SEPTIN9: variants seen among roughly 807,000 people sequenced by gnomAD.
The protein encoded by SEPTIN9 is septin 9.
Under a neutral mutation model 56.6 loss-of-function variants are expected in SEPTIN9, and 13 were observed. The ratio of observed to expected loss-of-function variants is 0.23; its 90% CI spans 0.15 to 0.37. The LOEUF (loss-of-function observed/expected upper bound fraction) is 0.37, where lower values mean the gene tolerates loss of function less well. Among genes scored for constraint, SEPTIN9 ranks in the 10% least tolerant of loss-of-function variants. The pLI is 1.00. For missense variants in SEPTIN9, 650 were observed against 823.1 expected, an observed-to-expected ratio of 0.79 and a Z score of 2.57; for synonymous variants, 332 against 334.1, an observed-to-expected ratio of 0.99 and a Z score of 0.07.
chr17:77,395,678 C>T (rs924997182), intron 2 of SEPTIN9, among the ~76,000 whole-genome samples: 1 of 152,074 alleles, frequency 6.6e-6, no homozygotes, highest in Non-Finnish European at 1.5e-5. Flanking sequence ...TATTTTCTGC[C>T]CGGGTGTGAG....
rs968064406 is a variant in SEPTIN9 at position 77,435,128 on chromosome 17, C to T, written c.721+32425C>T. On this transcript the variant is annotated intron_variant, in intron 3 of 11. Coordinates refer to ENST00000427177, the MANE Select transcript of SEPTIN9 (RefSeq NM_001113491.2). The surrounding 1 kb of genome is among the most constrained non-coding windows in gnomAD (Gnocchi z 4.5). ...GATTCTGTTGTTATTCCCATTTCAC[C>T]GATGAGGAACCCACAGCCCAGAGAT... 5.3e-5 allele frequency among the ~76,000 whole-genome samples: 8 copies of T among 152,158 alleles called. No individual in the cohort carries two copies. Among genetic ancestry groups the T allele is most frequent in the Admixed American group, 2.6e-4 (4 of 15,286 alleles).
At chr17:77,320,650 C>A (rs568054802) in intron 2 of SEPTIN9, among the ~76,000 whole-genome samples, 2 of 152,316 alleles carry the variant, frequency 1.3e-5, no homozygotes, top group East Asian at 3.9e-4. Flanking sequence ...GGCGCCGAAA[C>A]CTTGGGAGGG....
Position 77,369,806 on chromosome 17 carries a change from G to A in SEPTIN9, c.77-32253G>A, listed in dbSNP as rs1161313382. Among the ~76,000 whole-genome samples, 1 of 152,208 alleles carries A rather than the reference G, an allele frequency of 6.6e-6. No homozygotes were observed. The highest frequency in any genetic ancestry group is 1.5e-5 in the Non-Finnish European group (1 of 68,022). On this transcript the variant is annotated intron_variant, in intron 2 of 11. Transcript: ENST00000427177. The surrounding 1 kb of genome is among the most constrained non-coding windows in gnomAD (Gnocchi z 4.9). ...CCAGCTGAGCCTCTCCATGGAGGCTGTGCCTGGAGGGGGGTCATGGATATG... is the reference window on the plus strand; with the variant it reads ...CCAGCTGAGCCTCTCCATGGAGGCTATGCCTGGAGGGGGGTCATGGATATG...
At chr17:77,392,573 CG>C (rs1292596944) in intron 2 of SEPTIN9, among the ~76,000 whole-genome samples, 2 of 152,030 alleles carry the variant, frequency 1.3e-5, no homozygotes, top group Non-Finnish European at 2.9e-5. Context: ...CGGACTGGGC[CG>C]GCACTGGAGG....
chr17:77,486,669 A>G (rs929750490), intron 4 of SEPTIN9, among the ~76,000 whole-genome samples: 10 of 151,672 alleles, frequency 6.6e-5, no homozygotes, highest in African/African-American at 2.4e-4. Context: ...AGGTGTGTGT[A>G]TGAGGTGTAT....
chr17:77,487,653 C>A lies in SEPTIN9; in HGVS notation c.1042+101C>A. 1.4e-6 allele frequency: 1 copy of A among 738,670 alleles called. No individual in the cohort carries two copies. The highest frequency in any genetic ancestry group is 1.8e-6 in the Non-Finnish European group (1 of 556,692). 45.8% of individuals were successfully genotyped at this position (738,670 alleles called of 1,614,324 possible). A position where few individuals can be genotyped will look rare whatever the true frequency, so the allele number is the denominator to read the frequency against. ...ATCACACACAGTCAGTGGCCAGGGG[C>A]GGGCTGGGGGTGCAGGACTCCTCTG... On this transcript the variant is annotated intron_variant, in intron 5 of 11. Coordinates refer to ENST00000427177, the MANE Select transcript of SEPTIN9 (RefSeq NM_001113491.2). The surrounding 1 kb of genome is among the most constrained non-coding windows in gnomAD (Gnocchi z 4.3).
At chr17:77,294,814 C>T (rs1449813486) in intron 1 of SEPTIN9, 1 of 152,230 alleles carries the variant, frequency 6.6e-6, no homozygotes, top group Admixed American at 6.5e-5. Context: ...TTGCTTCTCT[C>T]CACTGCGCAC....
At chr17:77,333,601 A>G (rs965738585) in intron 2 of SEPTIN9, among the ~76,000 whole-genome samples, 1 of 152,160 alleles carries the variant, frequency 6.6e-6, no homozygotes, top group Non-Finnish European at 1.5e-5. Context: ...TAATTTAACA[A>G]ACTCCTTTCT....
At chr17:77,366,823 T>G (rs1598261295) in intron 2 of SEPTIN9, among the ~76,000 whole-genome samples, 1 of 151,488 alleles carries the variant, frequency 6.6e-6, no homozygotes, top group African/African-American at 2.4e-5. Context: ...GAGGTGGGGG[T>G]GGGGAACCGG....
intron 2 of SEPTIN9, among the ~76,000 whole-genome samples, chr17:77,390,221 C>T (rs2035484357): frequency 6.6e-6 from 1 of 151,534 alleles, no homozygotes; most frequent in Admixed American, 6.6e-5. Flanking sequence ...CAGGCAGGCG[C>T]CCGTAGTCCC....
At chr17:77,497,944 G>A (rs1201892531) in intron 11 of SEPTIN9, among the ~76,000 whole-genome samples, 1 of 151,022 alleles carries the variant, frequency 6.6e-6, no homozygotes, top group Non-Finnish European at 1.5e-5. Flanking sequence ...GCAGGGGTGG[G>A]GGGATTCCGG....
intron 3 of SEPTIN9, among the ~76,000 whole-genome samples, chr17:77,404,378 A>G (rs2035996378): frequency 6.6e-6 from 1 of 152,018 alleles, no homozygotes; most frequent in South Asian, 2.1e-4. Flanking sequence ...CCAAGTACCT[A>G]GGACCACAGG....
intron 3 of SEPTIN9, among the ~76,000 whole-genome samples, chr17:77,458,671 C>T (rs528265963): frequency 5.3e-5 from 8 of 152,306 alleles, no homozygotes; most frequent in South Asian, 2.1e-4. Flanking sequence ...TTACCAGCTG[C>T]GGTGGCTGCC....
intron 1 of SEPTIN9, among the ~76,000 whole-genome samples, chr17:77,293,025 T>C (rs887444323): frequency 2.0e-5 from 3 of 151,552 alleles, no homozygotes; most frequent in Non-Finnish European, 4.4e-5. Flanking sequence ...TTTATTTATT[T>C]ATTTTTCCCA....
intron 1 of SEPTIN9, among the ~76,000 whole-genome samples, chr17:77,282,099 C>A (rs949046862): frequency 1.3e-5 from 2 of 152,218 alleles, no homozygotes; most frequent in Admixed American, 1.3e-4. Flanking sequence ...CGGCTGACAT[C>A]CTCACTCCAC....
intron 2 of SEPTIN9, among the ~76,000 whole-genome samples, chr17:77,351,474 C>T (rs951127530): frequency 9.2e-5 from 14 of 152,300 alleles, no homozygotes; most frequent in African/African-American, 1.9e-4. Flanking sequence ...GCTCCTGTCC[C>T]GGGCTCTGGA....
Position 77,499,419 on chromosome 17 carries a change from G to C in SEPTIN9, c.*761G>C. 1.9e-6 allele frequency: 1 copy of C among 539,700 alleles called. No homozygotes were observed. The allele number at this position is 539,700 out of a possible 1,614,324, so 33.4% of individuals were successfully genotyped here. A position where few individuals can be genotyped will look rare whatever the true frequency, so the allele number is the denominator to read the frequency against. ...CCACCGGGCTGCAGGTGCTGCTGAT[G>C]CGCTGGGATCTGATTGAGGATAAAA... On this transcript the variant is annotated 3_prime_UTR_variant, in exon 12 of 12. Transcript: ENST00000427177.
chr17:77,498,677 C>CCGGGGTG lies in SEPTIN9; in HGVS notation c.*23_*24insGTGCGGG. 1 of 1,521,666 alleles carries CCGGGGTG rather than the reference C, an allele frequency of 6.6e-7. No homozygotes were observed. The highest frequency in any genetic ancestry group is 2.4e-5 in the East Asian group (1 of 41,426). 94.3% of individuals were successfully genotyped at this position (1,521,666 alleles called of 1,614,324 possible). On this transcript the variant is annotated 3_prime_UTR_variant, in exon 12 of 12. Transcript: ENST00000427177. ...GATGTAGACGCCACCCTGCCCACCC[C>CCGGGGTG]CGGGATCCTGCCCCCAAGTCATTTC...
intron 7 of SEPTIN9, 26 bp from the exon 8 acceptor site, chr17:77,490,716 G>C: frequency 6.5e-7 from 1 of 1,527,164 alleles, no homozygotes; most frequent in Non-Finnish European, 8.9e-7. Flanking sequence ...CCCCAGATGA[G>C]CCTCACGCAC....
Sources: allele counts gnomAD v4.1 joint callset (sites outside exome capture counted in the v4.1 genomes callset), GRCh38; gene constraint gnomAD v4.1.1; non-coding constraint Gnocchi (gnomAD v3.1); transcripts MANE v1.5; gene names NCBI Gene and HGNC (gene_info 2026-07-23, HGNC 2026-07-21).